NWD1: variants seen among roughly 807,000 people sequenced by gnomAD.
NWD1 encodes the protein NACHT domain- and WD repeat-containing protein 1.
A neutral mutation model predicts 135.1 loss-of-function variants in NWD1; 129 were observed. The ratio of observed to expected loss-of-function variants is 0.96; its 90% CI spans 0.83 to 1.11. NWD1 has a LOEUF of 1.11. Ranked by LOEUF, NWD1 falls within the 50% of genes least tolerant of loss-of-function variation. NWD1 has a pLI of 0.00. For missense variants in NWD1, 1,740 were observed against 1,851.3 expected (o/e 0.94, Z 1.10); for synonymous variants, 773 against 786.0 (o/e 0.98, Z 0.28).
At chr19:16,751,448 GAGAGAGAAAGAAAGGA>G (rs1223115709) in intron 6 of NWD1, among the ~76,000 whole-genome samples, 5 of 150,530 alleles carry the variant, frequency 3.3e-5, no homozygotes, top group African/African-American at 7.4e-5. Context: ...AGGAAGGAAG[GAGAGAGAAAGAAAGGA>G]AGAGAGAAAG....
At chr19:16,802,546 C>G (rs1362522209) in intron 17 of NWD1, among the ~76,000 whole-genome samples, 1 of 151,696 alleles carries the variant, frequency 6.6e-6, no homozygotes, top group East Asian at 1.9e-4. Context: ...CACACCCCAA[C>G]CCCCTTCACC....
At chr19:16,750,811 C>T (rs1968546758) in intron 6 of NWD1, among the ~76,000 whole-genome samples, 1 of 151,922 alleles carries the variant, frequency 6.6e-6, no homozygotes, top group African/African-American at 2.4e-5. Flanking sequence ...CAGCTAAATA[C>T]AGTTTTTGTT....
At position 16,783,351 on chromosome 19, in the gene NWD1, A is replaced by T. The variant is rs1012666949; in HGVS notation, c.2731+3886A>T. Among the ~76,000 whole-genome samples, 12 of 152,070 alleles carry T rather than the reference A, an allele frequency of 7.9e-5. No individual in the cohort carries two copies. In the East Asian group the frequency reaches 1.2e-3, roughly 15 times the overall value. ...TACCTGTCTCTTAAAAATAAATTTA[A>T]AGGTGGGGAACGGTGGCTCATGCCT... is the stretch of plus-strand genomic sequence containing the variant. On this transcript the variant is annotated intron_variant, in intron 12 of 18. Coordinates refer to ENST00000524140, the MANE Select transcript of NWD1 (RefSeq NM_001007525.5).
intron 4 of NWD1, 150 bp downstream of exon 4, chr19:16,736,900 A>C: frequency 1.6e-6 from 1 of 626,676 alleles, no homozygotes; most frequent in Non-Finnish European, 2.9e-6. Context: ...ATTACTAATC[A>C]ATCACAGAAC....
intron 10 of NWD1, 125 bp downstream of exon 10, chr19:16,765,317 A>C: frequency 1.0e-6 from 1 of 988,484 alleles, no homozygotes. Flanking sequence ...TAAACATGTG[A>C]ATTTTCCCCC....
intron 12 of NWD1, among the ~76,000 whole-genome samples, chr19:16,782,093 C>CAA (rs753198049): frequency 3.4e-5 from 2 of 58,754 alleles, no homozygotes; most frequent in Admixed American, 2.0e-4. Context: ...GACTCTGTCT[C>CAA]AAAAAAAAAA....
intron 15 of NWD1, among the ~76,000 whole-genome samples, chr19:16,796,354 C>T (rs1385091628): frequency 3.9e-5 from 6 of 152,062 alleles, no homozygotes; most frequent in South Asian, 2.1e-4. Context: ...CCCAGCTACT[C>T]GGGAGGATGA....
At chr19:16,814,946 C>A in intron 18 of NWD1, 82 bp from the exon 19 acceptor site, 1 of 1,276,624 alleles carries the variant, frequency 7.8e-7, no homozygotes, top group Non-Finnish European at 1.1e-6. Context: ...AATTTTATTC[C>A]ATGCAGCCAA....
At chr19:16,747,430 G>A (rs1357229112) in intron 5 of NWD1, among the ~76,000 whole-genome samples, 1 of 151,660 alleles carries the variant, frequency 6.6e-6, no homozygotes, top group Non-Finnish European at 1.5e-5. Context: ...AGGCTGGAGT[G>A]CAGTGGCACG....
chr19:16,814,962 G>C, intron 18 of NWD1, 66 bp from the exon 19 acceptor site: 1 of 1,438,718 alleles, frequency 7.0e-7, no homozygotes, highest in Non-Finnish European at 9.6e-7. Context: ...GCCAACTCTG[G>C]AATGTGTAGG....
chr19:16,773,188 G>A lies in NWD1; in HGVS notation c.2473G>A (p.Ala825Thr), dbSNP rs1352839008. The A allele has an allele frequency of 1.2e-6, 2 of 1,613,784 alleles. No individual in the cohort carries two copies. Among genetic ancestry groups the A allele is most frequent in the Non-Finnish European group, 1.7e-6 (2 of 1,180,028 alleles). The change falls in exon 11 of 19, where the codon GCA becomes ACA. Residue 825 changes from alanine (A) to threonine (T), a missense_variant. Physicochemically the swap from Ala to Thr is moderately conservative, Grantham distance 58 (BLOSUM62 0). Transcript: ENST00000524140. ...RLHFFATSHP[A>T]LVGQLCQQAQ... ...CCATTTCTTCGCCACCTCACATCCA[G>A]CACTGGTGGGACAGCTATGCCAACA...
At chr19:16,726,339 G>A (rs1967328697) in intron 2 of NWD1, among the ~76,000 whole-genome samples, 2 of 152,120 alleles carry the variant, frequency 1.3e-5, no homozygotes, top group Non-Finnish European at 2.9e-5. Context: ...TTGAACTGCT[G>A]GCTCAAGAGA....
At position 16,815,400 on chromosome 19, in the gene NWD1, AGCAAAAAGAATACGTTT is replaced by A. The variant is rs1305750072; in HGVS notation, c.*364_*380del. 6 of 634,476 alleles carry A rather than the reference AGCAAAAAGAATACGTTT, an allele frequency of 9.5e-6. No homozygotes were observed. The highest frequency in any genetic ancestry group is 1.7e-5 in the Non-Finnish European group (6 of 354,620). 39.3% of individuals were successfully genotyped at this position (634,476 alleles called of 1,614,324 possible). On this transcript the variant is annotated 3_prime_UTR_variant, in exon 19 of 19. Coordinates refer to ENST00000524140, the MANE Select transcript of NWD1 (RefSeq NM_001007525.5). ...AGTTAGCCCCATTTAATCTAGTTAA[AGCAAAAAGAATACGTTT>A]GCTGGTGTATATCTGGACCCATGGC...
chr19:16,775,953 C>T (rs1460941225), intron 11 of NWD1, among the ~76,000 whole-genome samples: 2 of 152,192 alleles, frequency 1.3e-5, no homozygotes, highest in Non-Finnish European at 2.9e-5. Flanking sequence ...AGGGTTGAGC[C>T]ACTGTGCTCA....
At chr19:16,736,790 C>T (rs1967837539) in intron 4 of NWD1, 40 bp downstream of exon 4, 4 of 1,137,874 alleles carry the variant, frequency 3.5e-6, no homozygotes, top group Non-Finnish European at 5.1e-6. Flanking sequence ...CTTACTCCTC[C>T]AGGATATGCC....
rs1340944204 is a variant in NWD1, at chr19:16,787,898, AATAATAATCATCATCATCATCATC to A, written c.2732-1081_2732-1058del. Among the ~76,000 whole-genome samples, 70 of 84,712 alleles carry A rather than the reference AATAATAATCATCATCATCATCATC, an allele frequency of 8.3e-4. 1 individual carries two copies. The highest frequency in any genetic ancestry group is 3.7e-3 in the African/African-American group (66 of 18,082). The allele number at this position is 84,712 out of a possible 152,430, so 55.6% of individuals were successfully genotyped here. ...TAACAATAATAATAATAATAATAAT[AATAATAATCATCATCATCATCATC>A]ATCATCATCATCATCATCATCATAG... On this transcript the variant is annotated intron_variant, in intron 12 of 18. Coordinates refer to ENST00000524140, the MANE Select transcript of NWD1 (RefSeq NM_001007525.5).
chr19:16,806,572 G>A (rs181524307), intron 17 of NWD1, among the ~76,000 whole-genome samples: 4 of 152,086 alleles, frequency 2.6e-5, no homozygotes, highest in East Asian at 1.9e-4. Flanking sequence ...TTAGCTGGGC[G>A]TGGTGGCCCG....
At chr19:16,736,236 T>TTCCTTCCTTCCTTCCTTC (rs1555717146) in intron 3 of NWD1, among the ~76,000 whole-genome samples, 2 of 10,022 alleles carry the variant, frequency 2.0e-4, no homozygotes, top group African/African-American at 6.0e-4. Flanking sequence ...TACCTTCCTC[T>TTCCTTCCTTCCTTCCTTC]CTCTCTTTCT....
At chr19:16,764,981 T>C (rs1183076975) in intron 9 of NWD1, 53 bp from the exon 10 acceptor site, 1 of 1,582,912 alleles carries the variant, frequency 6.3e-7, no homozygotes, top group African/African-American at 1.3e-5. Flanking sequence ...CCTCCCAGGA[T>C]GAACTGGAGG....
Sources: gnomAD v4.1 joint callset for allele counts (sites outside exome capture counted in the v4.1 genomes callset) on GRCh38, gnomAD v4.1.1 for gene constraint, MANE v1.5 for transcripts, NCBI Gene and HGNC (gene_info 2026-07-23, HGNC 2026-07-21) for gene names.